ENTREP2: variants seen among roughly 807,000 people sequenced by gnomAD.
ENTREP2 encodes the protein endosomal transmembrane epsin interactor 2.
At chr15:29,153,403 G>A in the ENTREP2 span, among the ~76,000 whole-genome samples, 2 of 152,142 alleles carry the variant, frequency 1.3e-5, no homozygotes, top group African/African-American at 4.8e-5. Flanking sequence ...TCTGGTAAGG[G>A]CCTGCTTCCT....
chr15:29,370,144 C>CA, the ENTREP2 span, among the ~76,000 whole-genome samples: 7 of 152,204 alleles, frequency 4.6e-5, no homozygotes, highest in South Asian at 1.5e-3. Flanking sequence ...ATAATAATTC[C>CA]TCATCAGCAA....
the ENTREP2 span, among the ~76,000 whole-genome samples, chr15:29,576,639 C>G: frequency 2.4e-4 from 37 of 152,148 alleles, no homozygotes; most frequent in African/African-American, 8.7e-4. Flanking sequence ...AAATGACAAC[C>G]CAATTTAAAA....
At chr15:29,368,258 G>A in the ENTREP2 span, among the ~76,000 whole-genome samples, 3 of 151,828 alleles carry the variant, frequency 2.0e-5, no homozygotes, top group Non-Finnish European at 4.4e-5. Flanking sequence ...TCTGCCAGGA[G>A]GCAAGGCTGC....
chr15:29,619,368 G>A, the ENTREP2 span, among the ~76,000 whole-genome samples: 1 of 152,176 alleles, frequency 6.6e-6, no homozygotes, highest in East Asian at 1.9e-4. Flanking sequence ...CTCCCAGCCT[G>A]GGTGACAGAG....
the ENTREP2 span, among the ~76,000 whole-genome samples, chr15:29,441,845 C>T: frequency 6.6e-6 from 1 of 152,148 alleles, no homozygotes; most frequent in Admixed American, 6.5e-5. Flanking sequence ...GGTGAGCTCA[C>T]GCACTTTCAT....
At chr15:29,632,809 C>T in the ENTREP2 span, among the ~76,000 whole-genome samples, 5 of 152,174 alleles carry the variant, frequency 3.3e-5, no homozygotes, top group African/African-American at 9.7e-5. Context: ...AGTCTCAGCC[C>T]GTGGCTGGAT....
chr15:29,200,725 A>T, the ENTREP2 span, among the ~76,000 whole-genome samples: 1 of 150,238 alleles, frequency 6.7e-6, no homozygotes, highest in Non-Finnish European at 1.5e-5. Flanking sequence ...GGCCCAGCTA[A>T]TTTTTTTTGT....
At chr15:29,147,821 G>A in the ENTREP2 span, among the ~76,000 whole-genome samples, 1 of 152,116 alleles carries the variant, frequency 6.6e-6, no homozygotes, top group African/African-American at 2.4e-5. Flanking sequence ...TAAAACATAT[G>A]TTGACACAAA....
chr15:29,392,144 A>AT, the ENTREP2 span, among the ~76,000 whole-genome samples: 1 of 138,574 alleles, frequency 7.2e-6, no homozygotes, highest in Admixed American at 7.2e-5. Context: ...TGTATTTTTT[A>AT]GTGGAGAAGG....
chr15:29,235,008 G>C, the ENTREP2 span: 528,449 of 1,312,490 alleles, frequency 0.4, 109,078 homozygotes, highest in East Asian at 0.58. Context: ...AGGGTTGCTT[G>C]AAGTTTCAAT....
the ENTREP2 span, among the ~76,000 whole-genome samples, chr15:29,278,425 C>T: frequency 6.6e-6 from 1 of 152,202 alleles, no homozygotes; most frequent in African/African-American, 2.4e-5. Flanking sequence ...TGAGAATAGT[C>T]CTCCAAGACC....
the ENTREP2 span, among the ~76,000 whole-genome samples, chr15:29,272,983 T>C: frequency 6.6e-6 from 1 of 152,122 alleles, no homozygotes; most frequent in Admixed American, 6.5e-5. Context: ...ATCAGGTGGT[T>C]GGTTTATACC....
the ENTREP2 span, among the ~76,000 whole-genome samples, chr15:29,130,717 C>T: frequency 6.6e-6 from 1 of 152,156 alleles, no homozygotes; most frequent in East Asian, 1.9e-4. Flanking sequence ...TATCACCTCT[C>T]GCAAGCAGAG....
the ENTREP2 span, among the ~76,000 whole-genome samples, chr15:29,467,650 C>A: frequency 3.9e-5 from 6 of 152,122 alleles, no homozygotes; most frequent in Admixed American, 6.5e-5. Context: ...GGTGAAACTA[C>A]CACATCCCCC....
the ENTREP2 span, among the ~76,000 whole-genome samples, chr15:29,148,948 C>T: frequency 6.6e-6 from 1 of 151,894 alleles, no homozygotes; most frequent in Non-Finnish European, 1.5e-5. Flanking sequence ...ACAGTCTTGG[C>T]TCACTGCAAC....
At chr15:29,458,804 T>TCTCCTCTGA in the ENTREP2 span, among the ~76,000 whole-genome samples, 1 of 152,216 alleles carries the variant, frequency 6.6e-6, no homozygotes, top group Non-Finnish European at 1.5e-5. Context: ...GCAGAATACG[T>TCTCCTCTGA]CTCCTCTGAC....
At chr15:29,224,212 G>A in the ENTREP2 span, among the ~76,000 whole-genome samples, 20 of 152,014 alleles carry the variant, frequency 1.3e-4, no homozygotes, top group African/African-American at 4.8e-4. Context: ...AAATCGGCGC[G>A]TCTGGAGTTG....
the ENTREP2 span, among the ~76,000 whole-genome samples, chr15:29,283,072 A>T: frequency 6.6e-6 from 1 of 152,214 alleles, no homozygotes; most frequent in Admixed American, 6.5e-5. Context: ...AAGGTCAGGC[A>T]GTCTGGAGAC....
At chr15:29,414,451 C>T in the ENTREP2 span, among the ~76,000 whole-genome samples, 49,872 of 151,798 alleles carry the variant, frequency 0.33, 8,677 homozygotes, top group African/African-American at 0.43. Context: ...TTGAAACCAA[C>T]GAGAACAAAG....
Sources: gnomAD v4.1 joint callset for allele counts (sites outside exome capture counted in the v4.1 genomes callset) on GRCh38, gnomAD v4.1.1 for gene constraint, MANE v1.5 for transcripts, NCBI Gene and HGNC (gene_info 2026-07-23, HGNC 2026-07-21) for gene names.